SLC24A3: variants seen among roughly 807,000 people sequenced by gnomAD.
SLC24A3 encodes the protein sodium/potassium/calcium exchanger 3.
A neutral mutation model predicts 75.8 loss-of-function variants in SLC24A3; 28 were observed. That is an observed-to-expected ratio of 0.37 (90% CI 0.27 to 0.51). SLC24A3 has a LOEUF of 0.51. Among genes scored for constraint, SLC24A3 ranks in the 20% least tolerant of loss-of-function variants. The pLI, the probability that SLC24A3 is intolerant of heterozygous loss-of-function variation, is 0.94. For missense variants in SLC24A3, 663 were observed against 847.8 expected, an observed-to-expected ratio of 0.78 and a Z score of 2.71; for synonymous variants, 372 against 334.1, an observed-to-expected ratio of 1.11 and a Z score of -1.24.
At chr20:19,708,125 T>C (rs1000957531) in intron 15 of SLC24A3, among the ~76,000 whole-genome samples, 7 of 152,106 alleles carry the variant, frequency 4.6e-5, no homozygotes, top group Non-Finnish European at 1.0e-4. Flanking sequence ...GTTACAAGGA[T>C]GTTGGAGCAG....
At chr20:19,331,400 G>A in intron 2 of SLC24A3, among the ~76,000 whole-genome samples, 1 of 152,068 alleles carries the variant, frequency 6.6e-6, no homozygotes, top group East Asian at 1.9e-4. Flanking sequence ...AGATAGAGTA[G>A]ATATGATTGA....
chr20:19,686,880 A>G (rs2032682231), intron 12 of SLC24A3, among the ~76,000 whole-genome samples: 1 of 152,224 alleles, frequency 6.6e-6, no homozygotes, highest in Non-Finnish European at 1.5e-5. Context: ...CATAGAAAAA[A>G]TGTACACTCG....
At chr20:19,679,248 C>T (rs2032577068) in intron 9 of SLC24A3, among the ~76,000 whole-genome samples, 1 of 152,196 alleles carries the variant, frequency 6.6e-6, no homozygotes, top group South Asian at 2.1e-4. Context: ...CGTCTGCAAT[C>T]CCAGCACCTC....
intron 1 of SLC24A3, among the ~76,000 whole-genome samples, chr20:19,252,198 G>A (rs1982678439): frequency 6.6e-6 from 1 of 152,136 alleles, no homozygotes; most frequent in Non-Finnish European, 1.5e-5. Context: ...TTGACAGAGT[G>A]GGCCATGTTA....
chr20:19,461,529 C>CTTTTTTTTTTTTT (rs11468628), intron 2 of SLC24A3, among the ~76,000 whole-genome samples: 80 of 101,390 alleles, frequency 7.9e-4, no homozygotes, highest in Middle Eastern at 7.1e-3. Flanking sequence ...TCTTTTTTTT[C>CTTTTTTTTTTTTT]TTTTTTTTTT....
At position 19,366,966 on chromosome 20, in the gene SLC24A3, A is replaced by G. The variant is rs111879250; in HGVS notation, c.271+85879A>G. Among the ~76,000 whole-genome samples, 821 of 152,268 alleles carry G rather than the reference A, an allele frequency of 5.4e-3. 4 individuals are homozygous for G. Among genetic ancestry groups the G allele is most frequent in the African/African-American group, 0.019 (790 of 41,540 alleles). On this transcript the variant is annotated intron_variant, in intron 2 of 16. Coordinates refer to ENST00000328041, the MANE Select transcript of SLC24A3 (RefSeq NM_020689.4). ...CAACCCCAAGTGCTCTCTACTTTGA[A>G]ACAGATGCACCAATTGGCCAGCCCT...
intron 2 of SLC24A3, among the ~76,000 whole-genome samples, chr20:19,370,018 T>G (rs1985965328): frequency 6.6e-6 from 1 of 152,198 alleles, no homozygotes; most frequent in African/African-American, 2.4e-5. Flanking sequence ...GATTCACATT[T>G]GTTAAAACTC....
At position 19,684,300 on chromosome 20, in the gene SLC24A3, C is replaced by G; in HGVS notation, c.1026C>G (p.Thr342=). 2 of 1,614,100 alleles carry G rather than the reference C, an allele frequency of 1.2e-6. No individual in the cohort carries two copies. Among genetic ancestry groups the G allele is most frequent in the South Asian group, 1.1e-5 (1 of 91,070 alleles). Residue 342 remains threonine, a synonymous_variant, in exon 11 of 17, where the codon ACC becomes ACG. Coordinates refer to ENST00000328041, the MANE Select transcript of SLC24A3 (RefSeq NM_020689.4). ...TAACCAGCCACTTTCCCCCCAAGAC[C>G]CGGCTCTCCATGGCCAGTCGCATGT... ...IMITSHFPPK[T]RLSMASRMLI...
At chr20:19,464,122 C>T (rs1387332444) in intron 2 of SLC24A3, among the ~76,000 whole-genome samples, 1 of 152,242 alleles carries the variant, frequency 6.6e-6, no homozygotes, top group Non-Finnish European at 1.5e-5. Context: ...AAAGGCTCTT[C>T]ATCACAGCAG....
chr20:19,661,345 A>G (rs1480822238), intron 7 of SLC24A3, among the ~76,000 whole-genome samples: 1 of 152,194 alleles, frequency 6.6e-6, no homozygotes, highest in Non-Finnish European at 1.5e-5. Flanking sequence ...TTTCTGCTTA[A>G]CTTTGAAATA....
chr20:19,688,482 C>T (rs901701766), intron 12 of SLC24A3, among the ~76,000 whole-genome samples: 1 of 152,244 alleles, frequency 6.6e-6, no homozygotes, highest in African/African-American at 2.4e-5. Context: ...CAGCCAGGCC[C>T]GCTTCCTGGG....
intron 7 of SLC24A3, among the ~76,000 whole-genome samples, chr20:19,659,054 C>G (rs2122714675): frequency 6.6e-6 from 1 of 152,364 alleles, no homozygotes; most frequent in Non-Finnish European, 1.5e-5. Flanking sequence ...CCTTTCGTCT[C>G]TGCTGGAGGA....
intron 8 of SLC24A3, among the ~76,000 whole-genome samples, chr20:19,672,154 G>T (rs983249342): frequency 6.6e-6 from 1 of 152,132 alleles, no homozygotes; most frequent in Admixed American, 6.5e-5. Flanking sequence ...TTAGGCTAGA[G>T]AAATTTGCCA....
At chr20:19,437,592 A>G (rs1373162535) in intron 2 of SLC24A3, among the ~76,000 whole-genome samples, 3 of 152,190 alleles carry the variant, frequency 2.0e-5, no homozygotes, top group Admixed American at 1.3e-4. Context: ...CAAGAATCCC[A>G]TGAGGAGGTG....
intron 6 of SLC24A3, among the ~76,000 whole-genome samples, chr20:19,653,753 C>A (rs919419038): frequency 1.3e-5 from 2 of 152,188 alleles, no homozygotes; most frequent in Admixed American, 6.5e-5. Flanking sequence ...ACCCAACCAT[C>A]CCTGTCTCCA....
At chr20:19,603,014 T>G (rs1176646356) in intron 6 of SLC24A3, among the ~76,000 whole-genome samples, 1 of 152,212 alleles carries the variant, frequency 6.6e-6, no homozygotes, top group Non-Finnish European at 1.5e-5. Flanking sequence ...TAAGTCCTAG[T>G]AAAACAAGTC....
chr20:19,399,207 T>C (rs1402709428), intron 2 of SLC24A3, among the ~76,000 whole-genome samples: 1 of 152,138 alleles, frequency 6.6e-6, no homozygotes. Context: ...TTTGGTTTCA[T>C]TGATTTTCTT....
At chr20:19,544,922 A>G (rs534838076) in intron 3 of SLC24A3, among the ~76,000 whole-genome samples, 191 of 152,348 alleles carry the variant, frequency 1.3e-3, no homozygotes, top group African/African-American at 4.5e-3. Context: ...ATCGGAGCCA[A>G]TAAGGGAAAC....
chr20:19,507,529 A>G (rs935888476), intron 2 of SLC24A3, among the ~76,000 whole-genome samples: 20 of 152,246 alleles, frequency 1.3e-4, no homozygotes, highest in African/African-American at 4.8e-4. Flanking sequence ...GGAGATGCAC[A>G]TTGCATCCTG....
Sources: gnomAD v4.1 joint callset for allele counts (sites outside exome capture counted in the v4.1 genomes callset) on GRCh38, gnomAD v4.1.1 for gene constraint, MANE v1.5 for transcripts, NCBI Gene and HGNC (gene_info 2026-07-23, HGNC 2026-07-21) for gene names.